CFAP96: variants seen among roughly 807,000 people sequenced by gnomAD.
CFAP96 encodes the protein cilia-and flagella-associated protein 96.
the CFAP96 span, among the ~76,000 whole-genome samples, chr4:185,441,690 AATT>A: frequency 2.0e-5 from 3 of 151,646 alleles, no homozygotes; most frequent in African/African-American, 7.2e-5. Context: ...AGAAATTAAT[AATT>A]TTAATATTAA....
chr4:185,419,233 G>A, the CFAP96 span, among the ~76,000 whole-genome samples: 4 of 152,112 alleles, frequency 2.6e-5, no homozygotes, highest in East Asian at 5.8e-4. Flanking sequence ...CCGGGTTCAC[G>A]CCATTCTCCT....
the CFAP96 span, chr4:185,425,891 GGGCGCTGACGCCT>G: frequency 6.3e-7 from 1 of 1,596,304 alleles, no homozygotes; most frequent in Non-Finnish European, 8.5e-7. Context: ...GCGGTGACAC[GGGCGCTGACGCCT>G]GCCCAAAAGT....
chr4:185,449,571 ATG>A, the CFAP96 span: 1 of 1,458,718 alleles, frequency 6.9e-7, no homozygotes, highest in Non-Finnish European at 9.3e-7. Context: ...TATAAAATTA[ATG>A]TGTGTTTATT....
At chr4:185,440,104 A>G in the CFAP96 span, among the ~76,000 whole-genome samples, 1 of 151,450 alleles carries the variant, frequency 6.6e-6, no homozygotes, top group African/African-American at 2.4e-5. Flanking sequence ...ACATAATCTC[A>G]TGTAATCTTT....
chr4:185,422,954 G>A, the CFAP96 span, among the ~76,000 whole-genome samples: 2 of 152,182 alleles, frequency 1.3e-5, no homozygotes, highest in African/African-American at 4.8e-5. Context: ...CGCCTCCTGG[G>A]TGTAAGAGAT....
At chr4:185,426,879 CAAAAAAAAAAAAAAAAAAAAA>C in the CFAP96 span, among the ~76,000 whole-genome samples, 5 of 69,038 alleles carry the variant, frequency 7.2e-5, no homozygotes, top group East Asian at 3.6e-4. Flanking sequence ...CTAAAAATAC[CAAAAAAAAAAAAAAAAAAAAA>C]AAAAAAAAAA....
the CFAP96 span, among the ~76,000 whole-genome samples, chr4:185,414,762 G>C: frequency 5.3e-5 from 8 of 152,088 alleles, no homozygotes; most frequent in Admixed American, 4.6e-4. Flanking sequence ...TTCAGAATTA[G>C]CATAAGTTAT....
At chr4:185,443,343 T>TATATA in the CFAP96 span, among the ~76,000 whole-genome samples, 9 of 19,216 alleles carry the variant, frequency 4.7e-4, no homozygotes, top group Non-Finnish European at 5.9e-4. Flanking sequence ...TATATATATA[T>TATATA]TTTTTTTTTT....
the CFAP96 span, chr4:185,445,408 C>T: frequency 1.1e-6 from 1 of 916,380 alleles, no homozygotes; most frequent in Admixed American, 2.3e-5. Context: ...CATTATGAGT[C>T]ATTTGAGATG....
the CFAP96 span, chr4:185,440,486 T>G: frequency 1.8e-6 from 2 of 1,120,868 alleles, no homozygotes; most frequent in Non-Finnish European, 2.5e-6. Context: ...AACTCTGGGT[T>G]ATTTTCAATT....
chr4:185,426,095 T>C, the CFAP96 span: 8 of 594,244 alleles, frequency 1.3e-5, no homozygotes, highest in Non-Finnish European at 1.8e-5. Flanking sequence ...ATTCTATTAG[T>C]TAAGTCTTTT....
chr4:185,439,148 A>ACAG, the CFAP96 span, among the ~76,000 whole-genome samples: 6 of 152,240 alleles, frequency 3.9e-5, no homozygotes, highest in Admixed American at 2.0e-4. Context: ...AATAGGCCAT[A>ACAG]CAGCAGACCA....
At chr4:185,423,031 GT>G in the CFAP96 span, among the ~76,000 whole-genome samples, 1 of 152,176 alleles carries the variant, frequency 6.6e-6, no homozygotes. Context: ...GCTAATTTTT[GT>G]ATTTTTAGTA....
At chr4:185,439,309 G>T in the CFAP96 span, among the ~76,000 whole-genome samples, 1 of 152,138 alleles carries the variant, frequency 6.6e-6, no homozygotes, top group Non-Finnish European at 1.5e-5. Context: ...ATATGGAAGG[G>T]TGGAGAGCAG....
chr4:185,436,427 T>G, the CFAP96 span: 1 of 1,208,426 alleles, frequency 8.3e-7, no homozygotes, highest in Non-Finnish European at 1.2e-6. Context: ...ATAATTCACT[T>G]GAGGCCGGGC....
the CFAP96 span, chr4:185,436,393 T>A: frequency 7.1e-7 from 1 of 1,416,162 alleles, no homozygotes; most frequent in African/African-American, 1.4e-5. Flanking sequence ...TCAACCTTTC[T>A]TTTATTTAGC....
chr4:185,419,781 T>C, the CFAP96 span, among the ~76,000 whole-genome samples: 1 of 152,262 alleles, frequency 6.6e-6, no homozygotes, highest in South Asian at 2.1e-4. Flanking sequence ...TAATATTCCA[T>C]TGTGTGGATA....
chr4:185,415,300 A>T, the CFAP96 span: 1 of 1,601,716 alleles, frequency 6.2e-7, no homozygotes, highest in African/African-American at 1.3e-5. Context: ...ACATTTTTCC[A>T]TGTCAGTTAG....
At chr4:185,434,092 G>T in the CFAP96 span, among the ~76,000 whole-genome samples, 3 of 152,008 alleles carry the variant, frequency 2.0e-5, no homozygotes, top group Non-Finnish European at 4.4e-5. Flanking sequence ...GGCGATGCAT[G>T]CCTTTAGTCC....
Sources: gnomAD v4.1 joint callset for allele counts (sites outside exome capture counted in the v4.1 genomes callset) on GRCh38, gnomAD v4.1.1 for gene constraint, MANE v1.5 for transcripts, NCBI Gene and HGNC (gene_info 2026-07-23, HGNC 2026-07-21) for gene names.